Variants in RBFOX1 observed in about 807,000 individuals in gnomAD.
RBFOX1 encodes RNA binding fox-1 homolog 1.
Under a neutral mutation model 57.7 loss-of-function variants are expected in RBFOX1, and 8 were observed. The observed-to-expected ratio is 0.14, with a 90% confidence interval of 0.08 to 0.25. The LOEUF is 0.25. Among genes scored for constraint, RBFOX1 ranks in the 10% least tolerant of loss-of-function variants. The pLI is 1.00. For missense variants in RBFOX1, 611 were observed against 548.5 expected (o/e 1.11, Z -1.14); for synonymous variants, 326 against 222.4 (o/e 1.47, Z -4.15).
chr16:6,046,575 G>A (rs1416562174), intron 1 of RBFOX1, among the ~76,000 whole-genome samples: 1 of 152,080 alleles, frequency 6.6e-6, no homozygotes, highest in African/African-American at 2.4e-5. Context: ...TATTAAATGA[G>A]TTCTCAAGGA....
At chr16:6,747,375 C>T (rs1439239479) in intron 3 of RBFOX1, among the ~76,000 whole-genome samples, 1 of 151,810 alleles carries the variant, frequency 6.6e-6, no homozygotes, top group Non-Finnish European at 1.5e-5. Flanking sequence ...CCATTGCCCT[C>T]CAGACTGGGC....
chr16:7,183,803 G>A (rs2083197593), intron 4 of RBFOX1, among the ~76,000 whole-genome samples: 1 of 152,172 alleles, frequency 6.6e-6, no homozygotes. Flanking sequence ...TCAGCAAGGA[G>A]CTATTTAATG....
At chr16:7,018,577 C>T (rs1214179388) in intron 3 of RBFOX1, among the ~76,000 whole-genome samples, 1 of 152,052 alleles carries the variant, frequency 6.6e-6, no homozygotes, top group Admixed American at 6.6e-5. Context: ...ATTTATAATC[C>T]TTTGGGTATT....
At chr16:5,896,427 C>T (rs2058164910) in intron 4 of RBFOX1, among the ~76,000 whole-genome samples, 1 of 151,726 alleles carries the variant, frequency 6.6e-6, no homozygotes, top group Admixed American at 6.6e-5. Context: ...AAAAACCTGG[C>T]ACCTCCCTGC....
At chr16:6,813,905 C>T (rs2089414461) in intron 3 of RBFOX1, among the ~76,000 whole-genome samples, 1 of 152,194 alleles carries the variant, frequency 6.6e-6, no homozygotes, top group Admixed American at 6.5e-5. Flanking sequence ...GATAATGGTC[C>T]AGACTGGTTA....
At chr16:7,127,296 A>G (rs1021854334) in intron 4 of RBFOX1, among the ~76,000 whole-genome samples, 22 of 152,178 alleles carry the variant, frequency 1.4e-4, no homozygotes, top group Non-Finnish European at 2.6e-4. Flanking sequence ...AGTACTTATG[A>G]TACTGTGTTT....
At chr16:6,692,388 C>G (rs1009694782) in intron 3 of RBFOX1, among the ~76,000 whole-genome samples, 1 of 152,146 alleles carries the variant, frequency 6.6e-6, no homozygotes, top group Admixed American at 6.5e-5. Context: ...TACCTGGTAT[C>G]TCTCCCTAGA....
chr16:5,858,801 C>G (rs952116631), intron 3 of RBFOX1, among the ~76,000 whole-genome samples: 5 of 152,304 alleles, frequency 3.3e-5, no homozygotes, highest in East Asian at 1.9e-4. Context: ...GGGCTCTTTC[C>G]TTTTTTACAC....
chr16:6,617,183 G>A (rs986963986), intron 2 of RBFOX1, among the ~76,000 whole-genome samples: 1 of 151,856 alleles, frequency 6.6e-6, no homozygotes. Context: ...TGTCCACCTT[G>A]ATCTCATCTG....
chr16:6,753,382 C>A (rs2075276093), intron 3 of RBFOX1, among the ~76,000 whole-genome samples: 1 of 152,172 alleles, frequency 6.6e-6, no homozygotes, highest in African/African-American at 2.4e-5. Context: ...ATATAGTCAA[C>A]ACATAGACTG....
Position 7,693,840 on chromosome 16 carries a change from T to G in RBFOX1, c.996-15216T>G, listed in dbSNP as rs550362935. Among the ~76,000 whole-genome samples, 7 of 152,302 alleles carry G rather than the reference T, an allele frequency of 4.6e-5. No homozygotes were observed. In the East Asian group the frequency reaches 1.4e-3, roughly 29 times the overall value. ...AGCTTAGAGGCATTCGAGAATATAA[T>G]TATCTCTGTCTTATAAGAAGGGGAT... On this transcript the variant is annotated intron_variant, in intron 14 of 15. Coordinates refer to ENST00000550418, the MANE Select transcript of RBFOX1 (RefSeq NM_018723.4).
At chr16:7,419,103 T>A (rs1185231119) in intron 4 of RBFOX1, among the ~76,000 whole-genome samples, 1 of 152,110 alleles carries the variant, frequency 6.6e-6, no homozygotes, top group Non-Finnish European at 1.5e-5. Flanking sequence ...AGACAGGGTT[T>A]CGCCATGTTT....
Position 7,333,005 on chromosome 16 carries a change from C to G in RBFOX1, c.28-185142C>G, listed in dbSNP as rs1196867548. ...GAATAATAACTCTACGTAAAGCATG[C>G]TGGCGTCTCAAGGAGTTCTCCTGCA... On this transcript the variant is annotated intron_variant, in intron 4 of 15. Transcript: ENST00000550418. The G allele has an allele frequency of 4.3e-6, 7 of 1,613,686 alleles. No individual in the cohort carries two copies. The highest frequency in any genetic ancestry group is 5.9e-6 in the Non-Finnish European group (7 of 1,179,858).
chr16:6,561,268 C>T (rs1267290315), intron 2 of RBFOX1, among the ~76,000 whole-genome samples: 1 of 152,110 alleles, frequency 6.6e-6, no homozygotes, highest in Non-Finnish European at 1.5e-5. Context: ...CACAGCAGAC[C>T]AGAATGTTAC....
chr16:5,771,757 AT>A, intron 3 of RBFOX1, among the ~76,000 whole-genome samples: 1 of 152,184 alleles, frequency 6.6e-6, no homozygotes. Flanking sequence ...CCAATCTGAA[AT>A]TTAATTCTTG....
intron 2 of RBFOX1, among the ~76,000 whole-genome samples, chr16:6,604,777 C>A (rs995230207): frequency 1.3e-5 from 2 of 152,090 alleles, no homozygotes; most frequent in African/African-American, 4.8e-5. Context: ...TTCTATAATT[C>A]TTTCTTTCTT....
At chr16:6,875,600 T>C (rs531690458) in intron 3 of RBFOX1, among the ~76,000 whole-genome samples, 3 of 152,388 alleles carry the variant, frequency 2.0e-5, no homozygotes, top group Non-Finnish European at 4.4e-5. Flanking sequence ...ACCTTGTTTA[T>C]TTCAGCAGAG....
rs12325358 is a variant in RBFOX1, at chr16:5,854,929, A to C, written c.319-12374A>C. Among the ~76,000 whole-genome samples, 325 of 152,332 alleles carry C rather than the reference A, an allele frequency of 2.1e-3. 2 individuals carry two copies. Among genetic ancestry groups the C allele is most frequent in the African/African-American group, 7.5e-3 (310 of 41,576 alleles). On this transcript the variant is annotated intron_variant, in intron 3 of 19. Coordinates refer to the RBFOX1 transcript ENST00000641259. ...TTGGTAACCCAGCCTAACAAGTGTG[A>C]GGTGATACCTCATTGTGGTTTTGAT...
chr16:7,693,631 C>A (rs1393906889), intron 14 of RBFOX1, among the ~76,000 whole-genome samples: 1 of 151,976 alleles, frequency 6.6e-6, no homozygotes, highest in African/African-American at 2.4e-5. Context: ...TTGAATGAAT[C>A]CACAAGAAAA....
Sources: allele counts gnomAD v4.1 joint callset (sites outside exome capture counted in the v4.1 genomes callset), GRCh38; gene constraint gnomAD v4.1.1; transcripts MANE v1.5; gene names NCBI Gene and HGNC (gene_info 2026-07-23, HGNC 2026-07-21).